Variants in AGL observed in about 807,000 individuals in gnomAD.
AGL encodes the protein glycogen debranching enzyme.
AGL carries 128 observed loss-of-function variants against 199.3 expected under a neutral mutation model. The observed-to-expected ratio is 0.64, with a 90% CI of 0.56 to 0.74. The LOEUF (loss-of-function observed/expected upper bound fraction) is 0.74. AGL is among the 30% of genes least tolerant of loss of function. AGL has a pLI of 0.00. For missense variants in AGL, 1,809 were observed against 1,820.8 expected (o/e 0.99, Z 0.12); for synonymous variants, 584 against 594.7 (o/e 0.98, Z 0.26).
chr1:99,909,256 C>G (rs1654554725), intron 27 of AGL, among the ~76,000 whole-genome samples: 1 of 152,064 alleles, frequency 6.6e-6, no homozygotes, highest in African/African-American at 2.4e-5. Context: ...TGGGAAACAC[C>G]CTGAGCTGCC....
rs1652907297 is a variant in AGL at position 99,891,627 on chromosome 1, A to G, written c.2971A>G (p.Met991Val). The G allele has an allele frequency of 1.1e-5, 17 of 1,613,636 alleles. No homozygotes were observed. The highest frequency in any genetic ancestry group is 1.4e-5 in the Non-Finnish European group (16 of 1,179,670). The change falls in exon 23 of 34, where the codon ATG (methionine) becomes GTG (valine). Residue 991 changes from methionine (M) to valine (V), a missense_variant. Physicochemically the swap from Met to Val is conservative, Grantham distance 21. Transcript: ENST00000361915. ...ACAGGTTGGTAAATGGTTGCAGGCT[A>G]TGTTCTTCTACCTGAAGCAGATCCC... ...IAEVGKWLQA[M>V]FFYLKQIPRY...
chr1:99,879,343 T>C (rs1232234034), intron 12 of AGL, among the ~76,000 whole-genome samples: 2 of 150,734 alleles, frequency 1.3e-5, no homozygotes, highest in Non-Finnish European at 3.0e-5. Flanking sequence ...TCCCAACACT[T>C]TTAGGCTCAG....
At chr1:99,898,286 T>TC (rs1448416512) in intron 25 of AGL, among the ~76,000 whole-genome samples, 2 of 152,162 alleles carry the variant, frequency 1.3e-5, no homozygotes, top group African/African-American at 2.4e-5. Context: ...GACCTTATGA[T>TC]CCGCCTGCCT....
At chr1:99,901,795 C>G (rs1206466765) in intron 26 of AGL, among the ~76,000 whole-genome samples, 3 of 151,878 alleles carry the variant, frequency 2.0e-5, no homozygotes, top group Non-Finnish European at 4.4e-5. Flanking sequence ...GCTTTGTAAG[C>G]TACTCCAGGG....
chr1:99,891,706 C>T lies in AGL; in HGVS notation c.3050C>T (p.Thr1017Ile). Residue 1017 changes from threonine to isoleucine, a missense_variant, in exon 23 of 34, where the codon ACT (threonine) becomes ATT (isoleucine). Coordinates refer to ENST00000361915, the MANE Select transcript of AGL (RefSeq NM_000642.3). ...GCTATATTAATTGGTGCATATACCA[C>T]TCTTCTGGATACAGCATGGAAGCAG... Reference protein sequence around the residue: ...FDAILIGAYTTLLDTAWKQMS... With the variant: ...FDAILIGAYTILLDTAWKQMS... The T allele has an allele frequency of 2.5e-6, 4 of 1,613,598 alleles. No individual in the cohort carries two copies. The highest frequency in any genetic ancestry group is 3.4e-6 in the Non-Finnish European group (4 of 1,179,638).
intron 20 of AGL, among the ~76,000 whole-genome samples, chr1:99,887,281 T>A (rs1202750152): frequency 6.6e-6 from 1 of 152,202 alleles, no homozygotes; most frequent in East Asian, 1.9e-4. Flanking sequence ...TCAGGTGTGG[T>A]CAGTTATACA....
rs780077211 is a variant in AGL, at chr1:99,912,534, AT to A, written c.3949+20del. ...AAAGACATGGTAAGCTGGTTATTTT[AT>A]TTACAAAGAACCTTCAAATGTACTA... On this transcript the variant is annotated intron_variant, in intron 29 of 33. Coordinates refer to ENST00000361915, the MANE Select transcript of AGL (RefSeq NM_000642.3). 9 of 1,541,698 alleles carry A rather than the reference AT, an allele frequency of 5.8e-6. No homozygotes were observed. The highest frequency in any genetic ancestry group is 8.1e-6 in the Non-Finnish European group (9 of 1,114,968).
intron 12 of AGL, 71 bp from the exon 13 acceptor site, chr1:99,879,852 T>C: frequency 7.6e-7 from 1 of 1,311,908 alleles, no homozygotes; most frequent in Non-Finnish European, 1.1e-6. Flanking sequence ...TTTGTCTCTT[T>C]CCTTCCTCCT....
intron 5 of AGL, among the ~76,000 whole-genome samples, chr1:99,865,058 G>A (rs1372314503): frequency 1.3e-5 from 2 of 152,028 alleles, no homozygotes; most frequent in Non-Finnish European, 2.9e-5. Context: ...ATCCCACCTG[G>A]AATGTGACTC....
intron 25 of AGL, among the ~76,000 whole-genome samples, chr1:99,898,248 A>G (rs1048741910): frequency 9.2e-5 from 14 of 151,974 alleles, no homozygotes; most frequent in Admixed American, 2.6e-4. Context: ...GGGTTTCACC[A>G]TGTTAGCCAG....
intron 2 of AGL, chr1:99,852,807 G>A (rs1006823686): frequency 1.3e-5 from 10 of 757,170 alleles, no homozygotes; most frequent in Non-Finnish European, 2.0e-5. Context: ...ATAAATATAA[G>A]GCATTGATAT....
At chr1:99,905,111 C>T (rs1654158777) in intron 27 of AGL, among the ~76,000 whole-genome samples, 1 of 152,064 alleles carries the variant, frequency 6.6e-6, no homozygotes, top group African/African-American at 2.4e-5. Flanking sequence ...TGGAGAGATC[C>T]AGTTTTGCTA....
intron 2 of AGL, among the ~76,000 whole-genome samples, chr1:99,859,350 CTG>C (rs1004521321): frequency 6.1e-5 from 9 of 147,932 alleles, no homozygotes; most frequent in African/African-American, 1.5e-4. Flanking sequence ...AGCATTTTTT[CTG>C]TGTTTTTTTT....
At chr1:99,903,195 G>T (rs904198931) in intron 27 of AGL, among the ~76,000 whole-genome samples, 7 of 151,992 alleles carry the variant, frequency 4.6e-5, no homozygotes, top group African/African-American at 1.7e-4. Context: ...GTGCAGGTTT[G>T]TTACATATGT....
At chr1:99,877,952 G>T (rs1331832361) in intron 12 of AGL, 124 bp downstream of exon 12, 5 of 936,262 alleles carry the variant, frequency 5.3e-6, no homozygotes, top group Non-Finnish European at 8.4e-6. Context: ...TGATTTGGTG[G>T]TAGTATTTAT....
At position 99,892,554 on chromosome 1, in the gene AGL, G is replaced by A. The variant is rs1351630043; in HGVS notation, c.3206G>A (p.Arg1069Lys). ...LSPALMDVPY[R>K]LNEITKEKEQ... ...CCTGCCCTAATGGATGTACCTTATA[G>A]GTTAAATGAGATCACAAAAGAAAAG... Residue 1069 changes from arginine (R) to lysine (K), a missense_variant, in exon 24 of 34, where the codon AGG becomes AAG. Coordinates refer to ENST00000361915, the MANE Select transcript of AGL (RefSeq NM_000642.3). The A allele has an allele frequency of 6.2e-7, 1 of 1,613,450 alleles. No homozygotes were observed. Among genetic ancestry groups the A allele is most frequent in the African/African-American group, 1.3e-5 (1 of 74,890 alleles).
intron 28 of AGL, among the ~76,000 whole-genome samples, chr1:99,911,513 G>A (rs1031196964): frequency 6.6e-6 from 1 of 152,092 alleles, no homozygotes; most frequent in African/African-American, 2.4e-5. Context: ...CACAATCATG[G>A]CTCACTGCAG....
At chr1:99,899,707 G>T (rs1037651888) in intron 25 of AGL, among the ~76,000 whole-genome samples, 1 of 151,646 alleles carries the variant, frequency 6.6e-6, no homozygotes, top group African/African-American at 2.4e-5. Context: ...TGCAAGCTCC[G>T]CCTCCCTGGT....
rs1048530851 is a variant in AGL, at chr1:99,921,909, CAT to C, written c.*260_*261del. On this transcript the variant is annotated 3_prime_UTR_variant, in exon 34 of 34. Transcript: ENST00000361915. ...AGAATTATTCAAATGCCTAGAAATC[CAT>C]AGTTTGGAAAAGAAAAATCATGTCA... 3.3e-5 allele frequency: 9 copies of C among 274,488 alleles called. No homozygotes were observed. Among genetic ancestry groups the C allele is most frequent in the Non-Finnish European group, 5.4e-5 (8 of 148,380 alleles). The allele number at this position is 274,488 out of a possible 1,614,324, so 17.0% of individuals were successfully genotyped here.
Sources: allele counts gnomAD v4.1 joint callset (sites outside exome capture counted in the v4.1 genomes callset), GRCh38; gene constraint gnomAD v4.1.1; transcripts MANE v1.5; gene names NCBI Gene and HGNC (gene_info 2026-07-23, HGNC 2026-07-21).